Variants in ANAPC1 observed in about 807,000 individuals in gnomAD.
The protein encoded by ANAPC1 is anaphase promoting complex subunit 1.
ANAPC1 carries 36 observed loss-of-function variants against 208.0 expected under a neutral mutation model. The observed-to-expected ratio is 0.17, with a 90% CI of 0.13 to 0.23. ANAPC1 has a LOEUF of 0.23. Among genes scored for constraint, ANAPC1 ranks in the 10% least tolerant of loss-of-function variants. ANAPC1 has a pLI of 1.00. For missense variants in ANAPC1, 942 were observed against 2,011.6 expected (o/e 0.47, Z 10.17); for synonymous variants, 378 against 695.2 (o/e 0.54, Z 7.18).
intron 18 of ANAPC1, among the ~76,000 whole-genome samples, chr2:111,837,081 CCAG>C (rs1290188360): frequency 1.3e-5 from 2 of 151,700 alleles, no homozygotes; most frequent in Non-Finnish European, 2.9e-5. Flanking sequence ...TAGATATCTA[CCAG>C]CAGAAGAAGG....
At position 111,843,562 on chromosome 2, in the gene ANAPC1, T is replaced by C; in HGVS notation, c.1890A>G (p.Pro630=). 6.2e-7 allele frequency: 1 copy of C among 1,611,900 alleles called. No individual in the cohort carries two copies. The highest frequency in any genetic ancestry group is 2.2e-5 in the East Asian group (1 of 44,872). The change falls in exon 17 of 48, where the codon CCA becomes CCG. Residue 630 remains proline (P), a synonymous_variant. Transcript: ENST00000341068. ...TCLQAIKFIL[P]KEIAVQMLVK... ...CAAGCATCTGAACTGCTATTTCTTTTGGCAGGATAAACTTAATTGCTTGCA... is the reference window on the plus strand; with the variant it reads ...CAAGCATCTGAACTGCTATTTCTTTCGGCAGGATAAACTTAATTGCTTGCA...
chr2:111,809,238 CAAG>C, intron 28 of ANAPC1, 57 bp from the exon 29 acceptor site: 1 of 1,396,444 alleles, frequency 7.2e-7, no homozygotes, highest in East Asian at 2.5e-5. Context: ...CTGCCACTTT[CAAG>C]AAGTACTTTT....
intron 29 of ANAPC1, among the ~76,000 whole-genome samples, chr2:111,806,148 T>TTA (rs1678663908): frequency 6.9e-6 from 1 of 145,614 alleles, no homozygotes; most frequent in African/African-American, 2.5e-5. Flanking sequence ...TGTGAAACTT[T>TTA]GAGTCTTACC....
Position 111,880,606 on chromosome 2 carries a change from A to G in ANAPC1, c.213+7T>C, listed in dbSNP as rs768142639. 1.2e-5 allele frequency: 19 copies of G among 1,605,926 alleles called. No individual in the cohort carries two copies. The African/African-American group carries it at 1.9e-4, about 16-fold the overall frequency. ...TTTCAAAAACACAATGGGAAACTCAATGGAACCTTCTGTTTCTCGTGGATT... is the reference window on the plus strand; with the variant it reads ...TTTCAAAAACACAATGGGAAACTCAGTGGAACCTTCTGTTTCTCGTGGATT... On this transcript the variant is annotated splice_region_variant and intron_variant, in intron 2 of 47. Transcript: ENST00000341068.
chr2:111,799,268 C>G (rs1214168598), intron 34 of ANAPC1, among the ~76,000 whole-genome samples: 1 of 151,660 alleles, frequency 6.6e-6, no homozygotes, highest in Non-Finnish European at 1.5e-5. Flanking sequence ...ACGTATTCAT[C>G]AGCAGCACTA....
chr2:111,807,258 T>C (rs1481244275), intron 29 of ANAPC1, among the ~76,000 whole-genome samples: 5 of 129,018 alleles, frequency 3.9e-5, no homozygotes, highest in African/African-American at 1.1e-4. Flanking sequence ...ATCAGTGTAA[T>C]GTTTATATAT....
At chr2:111,792,595 T>C in intron 37 of ANAPC1, 40 bp from the exon 38 acceptor site, 1 of 1,576,688 alleles carries the variant, frequency 6.3e-7, no homozygotes, top group African/African-American at 1.4e-5. Flanking sequence ...ACTGTTGTGT[T>C]ACATTTCTTT....
intron 38 of ANAPC1, among the ~76,000 whole-genome samples, chr2:111,790,088 G>A (rs1677796680): frequency 6.6e-6 from 1 of 152,274 alleles, no homozygotes; most frequent in African/African-American, 2.4e-5. Context: ...CAGTCTTAAA[G>A]AAGAGGGGAA....
At chr2:111,766,899 G>C, downstream of ANAPC1, 2 of 469,772 alleles carry the variant, frequency 4.3e-6, no homozygotes, top group Non-Finnish European at 8.8e-6. Context: ...ACTAGACAAA[G>C]GGTGAGAAAA....
intron 24 of ANAPC1, among the ~76,000 whole-genome samples, chr2:111,824,136 A>G (rs1461831342): frequency 6.6e-6 from 1 of 150,594 alleles, no homozygotes; most frequent in Non-Finnish European, 1.5e-5. Flanking sequence ...CACTTATTAA[A>G]TATTATGCAA....
chr2:111,775,068 T>C (rs71267710), intron 46 of ANAPC1, among the ~76,000 whole-genome samples: 3 of 151,788 alleles, frequency 2.0e-5, no homozygotes, highest in African/African-American at 2.4e-5. Context: ...GAGTTCGAGA[T>C]CAGACTGAAC....
chr2:111,877,979 T>G (rs1197746607), intron 3 of ANAPC1, among the ~76,000 whole-genome samples: 2 of 152,182 alleles, frequency 1.3e-5, no homozygotes, highest in African/African-American at 4.8e-5. Context: ...CATTCTGTAT[T>G]ATAGCTAGAA....
chr2:111,872,765 T>C lies in ANAPC1; in HGVS notation c.529-53A>G, dbSNP rs1259504678. On this transcript the variant is annotated intron_variant, in intron 5 of 47. Coordinates refer to ENST00000341068, the MANE Select transcript of ANAPC1 (RefSeq NM_022662.4). Reference sequence around the variant, plus strand: ...AGAAGTAAGAGAACCTACCCCTTTATAAAATGTTTTAAAGAAACATTACAG... The same window carrying C: ...AGAAGTAAGAGAACCTACCCCTTTACAAAATGTTTTAAAGAAACATTACAG... 3.5e-6 allele frequency: 4 copies of C among 1,132,942 alleles called. No individual in the cohort carries two copies. In the African/African-American group the frequency reaches 6.3e-5, roughly 18 times the overall value. 70.2% of individuals were successfully genotyped at this position (1,132,942 alleles called of 1,614,324 possible).
intron 15 of ANAPC1, among the ~76,000 whole-genome samples, 177 bp downstream of exon 15, chr2:111,847,548 T>C (rs1322130241): frequency 1.3e-5 from 2 of 152,200 alleles, no homozygotes; most frequent in African/African-American, 4.8e-5. Flanking sequence ...ACAGAAACTG[T>C]AGAAAACAAG....
chr2:111,831,484 A>G, intron 20 of ANAPC1, 50 bp from the exon 21 acceptor site: 2 of 1,356,026 alleles, frequency 1.5e-6, no homozygotes, highest in South Asian at 1.3e-5. Context: ...CATTAAGACA[A>G]CATTATTTTA....
chr2:111,863,099 C>T (rs1682168643), intron 9 of ANAPC1, among the ~76,000 whole-genome samples: 1 of 151,938 alleles, frequency 6.6e-6, no homozygotes, highest in African/African-American at 2.4e-5. Context: ...TAATATTCAT[C>T]AAACTGTTGC....
At chr2:111,770,884 C>T (rs1222163542) in intron 47 of ANAPC1, among the ~76,000 whole-genome samples, 5 of 151,688 alleles carry the variant, frequency 3.3e-5, no homozygotes, top group East Asian at 2.0e-4. Flanking sequence ...CTGAATCACA[C>T]ATAAGTCTGT....
intron 7 of ANAPC1, among the ~76,000 whole-genome samples, chr2:111,866,716 T>A (rs1573500039): frequency 7.4e-6 from 1 of 135,682 alleles, no homozygotes; most frequent in African/African-American, 2.9e-5. Flanking sequence ...AAAGCGAGAC[T>A]CCGTCTCAAA....
At chr2:111,881,306 C>A (rs377349883) in intron 1 of ANAPC1, among the ~76,000 whole-genome samples, 30 of 152,232 alleles carry the variant, frequency 2.0e-4, no homozygotes, top group African/African-American at 7.2e-4. Context: ...TAAAAAACCA[C>A]ACATTACTCT....
Sources: gnomAD v4.1 joint callset for allele counts (sites outside exome capture counted in the v4.1 genomes callset) on GRCh38, gnomAD v4.1.1 for gene constraint, MANE v1.5 for transcripts, NCBI Gene and HGNC (gene_info 2026-07-23, HGNC 2026-07-21) for gene names.